ZNF277: variants seen among roughly 807,000 people sequenced by gnomAD.
The protein encoded by ZNF277 is nuclear receptor-interacting factor 4.
Under a neutral mutation model 60.7 loss-of-function variants are expected in ZNF277, and 55 were observed. That is an observed-to-expected ratio of 0.91 (90% confidence interval 0.73 to 1.13). The LOEUF (loss-of-function observed/expected upper bound fraction) is 1.13, where lower values mean the gene tolerates loss of function less well. ZNF277 is among the 50% of genes most tolerant of loss of function. The probability of loss-of-function intolerance (pLI) is 0.00; values close to 1 mark genes in which losing one functional copy is unlikely to be tolerated. For synonymous variants in ZNF277, 178 were observed against 179.3 expected (o/e 0.99, Z 0.06); for missense variants, 510 against 523.0 (o/e 0.98, Z 0.24).
rs112586158 is a variant in ZNF277, at chr7:112,303,813, C to A, written c.465+7502C>A. Among the ~76,000 whole-genome samples, 10 of 151,766 alleles carry A rather than the reference C, an allele frequency of 6.6e-5. 2 individuals are homozygous for A. The highest frequency in any genetic ancestry group is 2.4e-4 in the African/African-American group (10 of 41,424). Reference sequence around the variant, plus strand: ...TCCTAGTTTATTTTTTTTGGATATTCTGTCCTGTTTTGAAGACACTCTTAA... The same window carrying A: ...TCCTAGTTTATTTTTTTTGGATATTATGTCCTGTTTTGAAGACACTCTTAA... On this transcript the variant is annotated intron_variant, in intron 4 of 11. Transcript: ENST00000361822.
At chr7:112,290,517 TG>T (rs1164727454) in intron 2 of ZNF277, among the ~76,000 whole-genome samples, 1 of 152,208 alleles carries the variant, frequency 6.6e-6, no homozygotes, top group African/African-American at 2.4e-5. Context: ...AAGAAAAGGA[TG>T]CATATCTGAT....
At chr7:112,267,509 T>C (rs553607424) in intron 1 of ZNF277, among the ~76,000 whole-genome samples, 2 of 152,292 alleles carry the variant, frequency 1.3e-5, no homozygotes, top group South Asian at 2.1e-4. Flanking sequence ...AGAATCAGAA[T>C]TGAGAATGAG....
intron 4 of ZNF277, among the ~76,000 whole-genome samples, chr7:112,312,152 A>C (rs1792746480): frequency 6.6e-6 from 1 of 152,138 alleles, no homozygotes; most frequent in East Asian, 1.9e-4. Context: ...GATTACATAG[A>C]GATGATAACA....
At chr7:112,248,933 T>A (rs1181068809) in intron 1 of ZNF277, among the ~76,000 whole-genome samples, 1 of 152,120 alleles carries the variant, frequency 6.6e-6, no homozygotes, top group African/African-American at 2.4e-5. Context: ...TAAAACACAA[T>A]CTGGATTGAT....
intron 1 of ZNF277, among the ~76,000 whole-genome samples, chr7:112,258,070 C>G (rs1381020112): frequency 7.3e-6 from 1 of 137,300 alleles, no homozygotes; most frequent in Non-Finnish European, 1.6e-5. Flanking sequence ...TTTTTTATGT[C>G]TACTCTATTC....
chr7:112,310,454 T>TGAGAGAGAGAGAGAGA lies in ZNF277; in HGVS notation c.466-7718_466-7703dup, dbSNP rs377447375. Among the ~76,000 whole-genome samples the TGAGAGAGAGAGAGAGA allele has an allele frequency of 5.5e-3, 648 of 117,256 alleles. 8 individuals are homozygous for TGAGAGAGAGAGAGAGA. The highest frequency in any genetic ancestry group is 0.019 in the South Asian group (70 of 3,662). 76.9% of individuals were successfully genotyped at this position (117,256 alleles called of 152,430 possible). ...TTAGGGCCTACCTTTAGGTTAGGTTTGAGAGAGAGAGAGAGAGAGAGAGAG... is the reference window on the plus strand; with the variant it reads ...TTAGGGCCTACCTTTAGGTTAGGTTTGAGAGAGAGAGAGAGAGAGAGAGAGAGAGAGAGAGAGAGAG... On this transcript the variant is annotated intron_variant, in intron 4 of 11. Transcript: ENST00000361822.
At chr7:112,279,173 T>A (rs1791886538) in intron 1 of ZNF277, among the ~76,000 whole-genome samples, 1 of 152,242 alleles carries the variant, frequency 6.6e-6, no homozygotes, top group Non-Finnish European at 1.5e-5. Flanking sequence ...TACAAATATT[T>A]CTTTGAGATC....
intron 2 of ZNF277, among the ~76,000 whole-genome samples, chr7:112,289,469 C>T (rs1792154398): frequency 6.6e-6 from 1 of 152,184 alleles, no homozygotes; most frequent in South Asian, 2.1e-4. Flanking sequence ...TAAACTAATT[C>T]CCTACATGCT....
chr7:112,296,309 C>G lies in ZNF277; in HGVS notation c.463C>G (p.Leu155Val), dbSNP rs760054344. 7.1e-6 allele frequency: 11 copies of G among 1,554,294 alleles called. No homozygotes were observed. In the East Asian group the frequency reaches 2.5e-4, roughly 35 times the overall value. The change falls in exon 4 of 12, where the codon CTG (leucine) becomes GTG (valine). Residue 155 changes from leucine (L) to valine (V), a missense_variant and splice_region_variant. Coordinates refer to ENST00000361822, the MANE Select transcript of ZNF277 (RefSeq NM_021994.3). Reference protein sequence around the residue: ...ILREELQKQRLREILEQQQQE... With the variant: ...ILREELQKQRVREILEQQQQE... ...TAGAGAAGAGCTTCAGAAACAGAGA[C>G]TGGTAAGAATTGTTTTTAAAGGGTG...
chr7:112,225,727 C>T (rs532969682), intron 1 of ZNF277, among the ~76,000 whole-genome samples: 4 of 152,032 alleles, frequency 2.6e-5, no homozygotes, highest in Admixed American at 6.5e-5. Context: ...ATTCATTTCA[C>T]GCTTTTAAGA....
intron 1 of ZNF277, among the ~76,000 whole-genome samples, chr7:112,280,337 A>T (rs1791912076): frequency 6.6e-6 from 1 of 152,168 alleles, no homozygotes; most frequent in Admixed American, 6.5e-5. Flanking sequence ...TCTTCCCCAG[A>T]ATCAATAAAA....
intron 7 of ZNF277, among the ~76,000 whole-genome samples, chr7:112,335,257 G>A (rs1171038169): frequency 6.6e-6 from 1 of 152,130 alleles, no homozygotes; most frequent in Non-Finnish European, 1.5e-5. Flanking sequence ...TAGTTTAGCT[G>A]CTTGAAAACA....
intron 4 of ZNF277, among the ~76,000 whole-genome samples, chr7:112,300,959 C>T (rs1792458184): frequency 1.3e-5 from 2 of 152,016 alleles, no homozygotes; most frequent in Non-Finnish European, 2.9e-5. Flanking sequence ...ATAGACTCAC[C>T]TCTTCAGGCA....
chr7:112,259,363 C>G (rs755420080), intron 1 of ZNF277, among the ~76,000 whole-genome samples: 103 of 152,214 alleles, frequency 6.8e-4, no homozygotes, highest in Non-Finnish European at 1.3e-3. Context: ...CTTTAAAACA[C>G]TCACCTAACT....
intron 7 of ZNF277, among the ~76,000 whole-genome samples, chr7:112,330,634 G>A (rs1256375584): frequency 2.8e-5 from 4 of 144,116 alleles, no homozygotes; most frequent in South Asian, 2.2e-4. Flanking sequence ...GCACGATCTC[G>A]GCTCACTGCA....
At position 112,242,396 on chromosome 7, in the gene ZNF277, G is replaced by T. The variant is rs187280823; in HGVS notation, c.91+35589G>T. On this transcript the variant is annotated intron_variant, in intron 1 of 11. Coordinates refer to ENST00000361822, the MANE Select transcript of ZNF277 (RefSeq NM_021994.3). Reference sequence around the variant, plus strand: ...GAAAAGAGGAAGCTAAATTATTTCTGCTTGCTTGCGATAGGTGCTAAAGAT... The same window carrying T: ...GAAAAGAGGAAGCTAAATTATTTCTTCTTGCTTGCGATAGGTGCTAAAGAT... 8.7e-4 allele frequency among the ~76,000 whole-genome samples: 132 copies of T among 151,948 alleles called. 1 individual carries two copies. The highest frequency in any genetic ancestry group is 2.9e-3 in the African/African-American group (122 of 41,500).
chr7:112,241,227 A>G (rs1790940168), intron 1 of ZNF277, among the ~76,000 whole-genome samples: 1 of 152,192 alleles, frequency 6.6e-6, no homozygotes, highest in South Asian at 2.1e-4. Context: ...TCAAAAGAAG[A>G]CAAACAAATG....
At chr7:112,221,050 G>A (rs1345755883) in intron 1 of ZNF277, among the ~76,000 whole-genome samples, 4 of 151,956 alleles carry the variant, frequency 2.6e-5, no homozygotes, top group East Asian at 3.9e-4. Flanking sequence ...TGCCACCATC[G>A]CAGACCCGCC....
chr7:112,220,763 A>C (rs1197901634), intron 1 of ZNF277, among the ~76,000 whole-genome samples: 2 of 152,190 alleles, frequency 1.3e-5, no homozygotes, highest in Non-Finnish European at 2.9e-5. Context: ...ACACCCGACC[A>C]ATCAGGTAGT....
Sources: gnomAD v4.1 joint callset for allele counts (sites outside exome capture counted in the v4.1 genomes callset) on GRCh38, gnomAD v4.1.1 for gene constraint, MANE v1.5 for transcripts, NCBI Gene and HGNC (gene_info 2026-07-23, HGNC 2026-07-21) for gene names.